The following CCDC171 variants were observed in gnomAD, a reference collection of about 807,000 sequenced individuals.
CCDC171 encodes coiled-coil domain-containing protein 171.
A neutral mutation model predicts 168.2 loss-of-function variants in CCDC171; 177 were observed. That is an observed-to-expected ratio of 1.05 (90% CI 0.93 to 1.19). The LOEUF is 1.19. Ranked by LOEUF, CCDC171 falls within the 50% of genes most tolerant of loss-of-function variation. CCDC171 has a pLI of 0.00. For synonymous variants in CCDC171, 687 were observed against 540.8 expected, an observed-to-expected ratio of 1.27 and a Z score of -3.75; for missense variants, 1,991 against 1,539.0, an observed-to-expected ratio of 1.29 and a Z score of -4.91.
intron 21 of CCDC171, among the ~76,000 whole-genome samples, chr9:15,830,506 A>G (rs866550350): frequency 5.3e-5 from 8 of 152,324 alleles, no homozygotes; most frequent in South Asian, 4.1e-4. Context: ...GGCCTTTTCA[A>G]TTGATTCTAA....
In CCDC171 at chr9:15,562,055, C is replaced by T. The variant is rs530313218; in HGVS notation, c.-111-1923C>T. The stretch of plus-strand genomic sequence containing the variant: ...TGTAGCCCAGGCTGGAGTGCAGTGG[C>T]GCAATCTTGGCTCACTGCAGTCTCC... On this transcript the variant is annotated intron_variant, in intron 1 of 25. Transcript: ENST00000380701. Among the ~76,000 whole-genome samples the T allele has an allele frequency of 2.1e-3, 325 of 151,984 alleles. 5 individuals are homozygous for T. The highest frequency in any genetic ancestry group is 3.2e-3 in the Non-Finnish European group (220 of 67,920).
chr9:15,797,945 T>C (rs1056607548), intron 21 of CCDC171, among the ~76,000 whole-genome samples: 6 of 152,190 alleles, frequency 3.9e-5, no homozygotes, highest in Admixed American at 2.6e-4. Context: ...CCTCTGTGTA[T>C]GTATGTGTGT....
In CCDC171 at chr9:15,973,922, T is replaced by G. The variant is rs1231830183; in HGVS notation, c.*2086T>G. On this transcript the variant is annotated 3_prime_UTR_variant, in exon 26 of 26. Coordinates refer to ENST00000380701, the MANE Select transcript of CCDC171 (RefSeq NM_173550.4). ...AATCTGTTTTCAGATCCTACTGATTTTAGAGGAACAAGCAGCTTTGTAAAA... is the reference window on the plus strand; with the variant it reads ...AATCTGTTTTCAGATCCTACTGATTGTAGAGGAACAAGCAGCTTTGTAAAA... 1.3e-5 allele frequency: 2 copies of G among 152,130 alleles called. No individual in the cohort carries two copies. Among genetic ancestry groups the G allele is most frequent in the Non-Finnish European group, 2.9e-5 (2 of 68,020 alleles). 9.4% of individuals were successfully genotyped at this position (152,130 alleles called of 1,614,324 possible).
At chr9:15,852,779 T>G (rs13294945) in intron 23 of CCDC171, among the ~76,000 whole-genome samples, 46,778 of 99,274 alleles carry the variant, frequency 0.47, 9,281 homozygotes, top group East Asian at 0.73. Flanking sequence ...AGGCCCAACT[T>G]CATTTTTTTT....
At chr9:16,017,945 C>G (rs926942958) in intron 3 of CCDC171, among the ~76,000 whole-genome samples, 1 of 150,978 alleles carries the variant, frequency 6.6e-6, no homozygotes, top group East Asian at 2.1e-4. Flanking sequence ...GAGAACCAAA[C>G]AATACTGCAG....
intron 23 of CCDC171, among the ~76,000 whole-genome samples, chr9:15,852,204 G>A (rs1180663055): frequency 6.6e-6 from 1 of 151,692 alleles, no homozygotes; most frequent in Non-Finnish European, 1.5e-5. Context: ...CACCATTATG[G>A]ATAAGCATTC....
intron 7 of CCDC171, among the ~76,000 whole-genome samples, chr9:15,627,426 A>G (rs995792032): frequency 1.4e-4 from 21 of 151,840 alleles, no homozygotes; most frequent in Non-Finnish European, 4.4e-5. Context: ...TCAATTTTAG[A>G]TCTTTCCTGC....
rs558497600 is a variant in CCDC171 at position 15,779,164 on chromosome 9, A to T, written c.3081+14A>T. 2.8e-6 allele frequency: 4 copies of T among 1,439,402 alleles called. No individual in the cohort carries two copies. The South Asian group carries it at 6.4e-5, about 23-fold the overall frequency. 89.2% of individuals were successfully genotyped at this position (1,439,402 alleles called of 1,614,324 possible). ...TTTAAGCAGTCTGTAAGTATATATC[A>T]TTTAGGAAACTGTTGCTTTGCTGAT... On this transcript the variant is annotated intron_variant, in intron 20 of 25. Coordinates refer to ENST00000380701, the MANE Select transcript of CCDC171 (RefSeq NM_173550.4).
In CCDC171 at chr9:15,624,618, C is replaced by G. The variant is rs142048986; in HGVS notation, c.822+1205C>G. Among the ~76,000 whole-genome samples, 720 of 152,256 alleles carry G rather than the reference C, an allele frequency of 4.7e-3. 10 individuals carry two copies. The highest frequency in any genetic ancestry group is 0.016 in the African/African-American group (654 of 41,546). On this transcript the variant is annotated intron_variant, in intron 7 of 25. Coordinates refer to ENST00000380701, the MANE Select transcript of CCDC171 (RefSeq NM_173550.4). ...CAGAATGATGGTTTCCAGCTTCATC[C>G]ATGTCCCTACAAGGGACATAAACTC...
chr9:15,840,513 A>G (rs1588785295), intron 21 of CCDC171, among the ~76,000 whole-genome samples: 1 of 152,158 alleles, frequency 6.6e-6, no homozygotes, highest in East Asian at 1.9e-4. Context: ...TTTATTAGGT[A>G]TTTGCCAAGA....
chr9:15,717,463 T>G (rs977921112), intron 11 of CCDC171, among the ~76,000 whole-genome samples: 1 of 152,110 alleles, frequency 6.6e-6, no homozygotes, highest in Non-Finnish European at 1.5e-5. Context: ...TCGGAGCCAG[T>G]GGACTTAGAG....
intron 21 of CCDC171, among the ~76,000 whole-genome samples, chr9:15,840,463 G>A (rs776528231): frequency 1.1e-4 from 17 of 152,206 alleles, no homozygotes; most frequent in Non-Finnish European, 1.0e-4. Flanking sequence ...TAGCTGATAA[G>A]GTCCAACAGA....
the CCDC171 span, among the ~76,000 whole-genome samples, chr9:16,069,750 C>T: frequency 3.3e-5 from 5 of 152,174 alleles, no homozygotes; most frequent in Non-Finnish European, 7.3e-5. Context: ...CAGCCTAAGG[C>T]GGTGAGAGCT....
intron 9 of CCDC171, among the ~76,000 whole-genome samples, chr9:15,666,910 A>G (rs1443585877): frequency 6.6e-6 from 1 of 152,222 alleles, no homozygotes; most frequent in African/African-American, 2.4e-5. Flanking sequence ...AATAGTGGCC[A>G]ACATGCATTG....
intron 1 of CCDC171, among the ~76,000 whole-genome samples, chr9:16,044,917 A>G (rs1451935716): frequency 6.6e-6 from 1 of 152,094 alleles, no homozygotes; most frequent in Non-Finnish European, 1.5e-5. Context: ...CTTGGCTTCA[A>G]ACTCTTCTCA....
intron 21 of CCDC171, among the ~76,000 whole-genome samples, chr9:15,834,012 A>G (rs1448676526): frequency 2.0e-5 from 3 of 152,174 alleles, no homozygotes; most frequent in African/African-American, 4.8e-5. Context: ...CCCAGACTGT[A>G]TAGTATAATT....
chr9:16,015,482 C>A (rs897145094), intron 3 of CCDC171, among the ~76,000 whole-genome samples: 1 of 152,088 alleles, frequency 6.6e-6, no homozygotes, highest in African/African-American at 2.4e-5. Flanking sequence ...TCTTGTCATG[C>A]GTCCAGTATC....
intron 21 of CCDC171, among the ~76,000 whole-genome samples, chr9:15,826,611 C>T (rs1302240233): frequency 6.6e-6 from 1 of 152,172 alleles, no homozygotes; most frequent in Non-Finnish European, 1.5e-5. Flanking sequence ...ACATCGTGAA[C>T]TAGGGATAAT....
At chr9:15,739,740 A>ATTT (rs3082820) in intron 16 of CCDC171, among the ~76,000 whole-genome samples, 167 of 146,214 alleles carry the variant, frequency 1.1e-3, no homozygotes, top group South Asian at 8.9e-3. Context: ...TGTAATACCA[A>ATTT]TTTTTTTTTT....
Sources: gnomAD v4.1 joint callset for allele counts (sites outside exome capture counted in the v4.1 genomes callset) on GRCh38, gnomAD v4.1.1 for gene constraint, MANE v1.5 for transcripts, NCBI Gene and HGNC (gene_info 2026-07-23, HGNC 2026-07-21) for gene names.